GSE1: variants seen among roughly 807,000 people sequenced by gnomAD.
GSE1 encodes the protein Gse1 coiled-coil protein.
Under a neutral mutation model 112.6 loss-of-function variants are expected in GSE1, and 32 were observed. The ratio of observed to expected loss-of-function variants is 0.28; its 90% CI spans 0.21 to 0.38. GSE1 has a LOEUF of 0.38. Among genes scored for constraint, GSE1 ranks in the 10% least tolerant of loss-of-function variants. The probability of loss-of-function intolerance (pLI) is 1.00; values close to 1 mark genes in which losing one functional copy is unlikely to be tolerated. For synonymous variants in GSE1, 1,115 were observed against 735.6 expected (o/e 1.52, Z -8.35); for missense variants, 2,348 against 1,699.2 (o/e 1.38, Z -6.71).
At chr16:85,180,966 C>T (rs1376487564) in intron 1 of GSE1, among the ~76,000 whole-genome samples, 2 of 152,256 alleles carry the variant, frequency 1.3e-5, no homozygotes, top group East Asian at 1.9e-4. Context: ...ATGTATTATA[C>T]TGTGGGAACC....
rs967428804 is a variant in GSE1, at chr16:85,575,835, T to A, written c.37+19472T>A. ...CTTTTCTAGGATTCCAGTCTTTTTA[T>A]GGTTATATTTGTTTTAGCTGTTGAA... On this transcript the variant is annotated intron_variant, in intron 1 of 2. Transcript: ENST00000635906. 2.0e-4 allele frequency among the ~76,000 whole-genome samples: 30 copies of A among 152,112 alleles called. 1 individual carries two copies. The highest frequency in any genetic ancestry group is 7.0e-4 in the African/African-American group (29 of 41,406).
chr16:85,381,133 G>A (rs2047537641), intron 2 of GSE1, among the ~76,000 whole-genome samples: 1 of 152,132 alleles, frequency 6.6e-6, no homozygotes, highest in Non-Finnish European at 1.5e-5. Context: ...CCAGTCCCTG[G>A]CAACCATCGA....
At chr16:85,208,126 G>A (rs2075153068) in intron 1 of GSE1, among the ~76,000 whole-genome samples, 1 of 152,152 alleles carries the variant, frequency 6.6e-6, no homozygotes, top group African/African-American at 2.4e-5. Context: ...TGTCGTCCTT[G>A]TCCTTGAATG....
intron 2 of GSE1, among the ~76,000 whole-genome samples, chr16:85,453,369 G>A (rs917141837): frequency 1.6e-4 from 25 of 152,158 alleles, no homozygotes; most frequent in South Asian, 4.1e-4. Flanking sequence ...ACTCAGCATC[G>A]GGCGCTGGGG....
chr16:85,642,138 C>T (rs1026957076), intron 2 of GSE1, among the ~76,000 whole-genome samples: 1 of 152,190 alleles, frequency 6.6e-6, no homozygotes, highest in Non-Finnish European at 1.5e-5. Context: ...GTGGACTCTG[C>T]CCAGAGCTTT....
At chr16:85,637,654 G>A (rs1235083761) in intron 2 of GSE1, among the ~76,000 whole-genome samples, 5 of 152,242 alleles carry the variant, frequency 3.3e-5, no homozygotes, top group African/African-American at 1.2e-4. Flanking sequence ...GCTTGCCCGG[G>A]TCCCACGTTG....
chr16:85,534,919 G>A (rs1297630928), intron 2 of GSE1, among the ~76,000 whole-genome samples: 2 of 152,256 alleles, frequency 1.3e-5, no homozygotes, highest in Non-Finnish European at 2.9e-5. Flanking sequence ...TGCTTGGGTT[G>A]CTTCCAGCTG....
chr16:85,456,446 G>T (rs2049827401), intron 2 of GSE1, among the ~76,000 whole-genome samples: 1 of 152,076 alleles, frequency 6.6e-6, no homozygotes, highest in African/African-American at 2.4e-5. Flanking sequence ...TTTCCAAATT[G>T]CTTGTACCTT....
At chr16:85,446,143 C>A (rs2049505704) in intron 2 of GSE1, among the ~76,000 whole-genome samples, 1 of 152,170 alleles carries the variant, frequency 6.6e-6, no homozygotes, top group Non-Finnish European at 1.5e-5. Context: ...CCCTGGCATC[C>A]CACCAGGCAG....
chr16:85,635,657 G>A (rs571086075), intron 2 of GSE1, among the ~76,000 whole-genome samples: 10 of 152,312 alleles, frequency 6.6e-5, no homozygotes, highest in Non-Finnish European at 1.0e-4. Context: ...TTTTCTCAGC[G>A]TTTGGGGGCA....
At chr16:85,547,224 G>T (rs2044731574) in intron 2 of GSE1, among the ~76,000 whole-genome samples, 1 of 152,228 alleles carries the variant, frequency 6.6e-6, no homozygotes, top group Admixed American at 6.5e-5. Flanking sequence ...TGATAGAAGT[G>T]ACAGGATGTA....
chr16:85,187,006 C>T (rs2074717531), intron 1 of GSE1, among the ~76,000 whole-genome samples: 2 of 152,238 alleles, frequency 1.3e-5, no homozygotes, highest in Admixed American at 1.3e-4. Flanking sequence ...ATGAGGCCAG[C>T]CCTGCTGAGC....
chr16:85,495,217 C>A (rs2051132120), intron 2 of GSE1, among the ~76,000 whole-genome samples: 1 of 152,166 alleles, frequency 6.6e-6, no homozygotes, highest in Admixed American at 6.5e-5. Context: ...CCTGAAAATA[C>A]TGACCCCAAG....
At chr16:85,607,061 G>A (rs1458990684), upstream of GSE1, among the ~76,000 whole-genome samples, 1 of 151,418 alleles carries the variant, frequency 6.6e-6, no homozygotes. Flanking sequence ...TGGAGAGCCT[G>A]GGGTGGGGGG....
intron 1 of GSE1, among the ~76,000 whole-genome samples, chr16:85,248,949 C>T (rs911823048): frequency 6.6e-6 from 1 of 152,070 alleles, no homozygotes; most frequent in Non-Finnish European, 1.5e-5. Flanking sequence ...GCTTCCGGGG[C>T]GTTATATGAC....
intron 2 of GSE1, among the ~76,000 whole-genome samples, chr16:85,388,031 GATGA>G (rs2047729061): frequency 5.6e-5 from 5 of 89,288 alleles, no homozygotes; most frequent in African/African-American, 7.2e-5. Flanking sequence ...TGGATGGATG[GATGA>G]ACAGATGGAT....
chr16:85,632,520 A>C (rs8056287), intron 1 of GSE1, among the ~76,000 whole-genome samples: 2 of 152,098 alleles, frequency 1.3e-5, no homozygotes, highest in African/African-American at 4.8e-5. Context: ...CAGGTGGACA[A>C]AGGAGGTCTT....
chr16:85,240,363 C>T (rs186465899), intron 1 of GSE1, among the ~76,000 whole-genome samples: 12 of 149,884 alleles, frequency 8.0e-5, no homozygotes, highest in Non-Finnish European at 1.3e-4. Flanking sequence ...CCTCAGTTGG[C>T]TCAGGCCCCC....
chr16:85,333,288 C>A (rs2046414456), intron 1 of GSE1, among the ~76,000 whole-genome samples: 1 of 152,176 alleles, frequency 6.6e-6, no homozygotes, highest in South Asian at 2.1e-4. Context: ...CGCGGGCCCA[C>A]CCAGGTCATC....
Sources: allele counts gnomAD v4.1 joint callset (sites outside exome capture counted in the v4.1 genomes callset), GRCh38; gene constraint gnomAD v4.1.1; transcripts MANE v1.5; gene names NCBI Gene and HGNC (gene_info 2026-07-23, HGNC 2026-07-21).